The following DNAAF8 variants were observed in gnomAD, a reference collection of about 807,000 sequenced individuals.
The protein encoded by DNAAF8 is dynein axonemal-associated protein 1.
A neutral mutation model predicts 54.6 loss-of-function variants in DNAAF8; 61 were observed. The ratio of observed to expected loss-of-function variants is 1.12; its 90% CI spans 0.91 to 1.38. The LOEUF is 1.38. Among genes scored for constraint, DNAAF8 ranks in the 40% most tolerant of loss-of-function variants. The pLI is 0.00. For synonymous variants in DNAAF8, 320 were observed against 270.1 expected (o/e 1.18, Z -1.81); for missense variants, 837 against 665.0 (o/e 1.26, Z -2.85).
chr16:4,743,118 C>T lies in DNAAF8; in HGVS notation c.859C>T (p.Pro287Ser). The change falls in exon 5 of 10, where the codon CCT becomes TCT. Residue 287 changes from proline (P) to serine (S), a missense_variant. By Grantham distance (74) the Pro-to-Ser change is moderately conservative. Transcript: ENST00000299320. Reference protein sequence around the residue: ...GQEDNQGNRAPGTVWWAADHR... With the variant: ...GQEDNQGNRASGTVWWAADHR... ...AGAAGACAACCAGGGAAATCGTGCA[C>T]CTGGAACTGTGTGGTGGGCAGCTGA... 6.2e-7 allele frequency: 1 copy of T among 1,612,126 alleles called. No individual in the cohort carries two copies. Among genetic ancestry groups the T allele is most frequent in the East Asian group, 2.2e-5 (1 of 44,688 alleles).
chr16:4,743,374 G>A (rs999330932), intron 5 of DNAAF8: 13 of 460,218 alleles, frequency 2.8e-5, no homozygotes, highest in Non-Finnish European at 2.7e-5. Flanking sequence ...CCAGGCGTGG[G>A]CCAGGTCCTA....
chr16:4,737,932 G>C lies in DNAAF8; in HGVS notation c.262G>C (p.Glu88Gln), dbSNP rs766918761. 23 of 1,614,228 alleles carry C rather than the reference G, an allele frequency of 1.4e-5. No individual in the cohort carries two copies. In the South Asian group the frequency reaches 2.2e-4, roughly 15 times the overall value. Residue 88 changes from glutamate (E) to glutamine (Q), a missense_variant, in exon 3 of 10, where the codon GAG (glutamate) becomes CAG (glutamine). Coordinates refer to ENST00000299320, the MANE Select transcript of DNAAF8 (RefSeq NM_139170.3). The part of the protein sequence containing the change: ...KSRAWVAAAE[E>Q]SLPEPVLVPA... The stretch of plus-strand genomic sequence containing the variant: ...CAGGGCCTGGGTCGCTGCAGCTGAA[G>C]AGTCCCTTCCCGAGGTCTGTGGGAC...
In DNAAF8 at chr16:4,736,251, T is replaced by G. The variant is rs2081898322; in HGVS notation, c.-51-213T>G. ...TATATCACTATATACATTATATACC[T>G]GCAGGCTCCACATGTGTGCATGAGT... On this transcript the variant is annotated intron_variant, in intron 1 of 9. Coordinates refer to ENST00000299320, the MANE Select transcript of DNAAF8 (RefSeq NM_139170.3). 3.3e-5 allele frequency among the ~76,000 whole-genome samples: 5 copies of G among 151,108 alleles called. No individual in the cohort carries two copies. The South Asian group carries it at 1.0e-3, about 32-fold the overall frequency.
chr16:4,737,731 G>A (rs963778330), intron 2 of DNAAF8, 69 bp from the exon 3 acceptor site: 35 of 1,553,230 alleles, frequency 2.3e-5, no homozygotes, highest in Middle Eastern at 2.1e-4. Flanking sequence ...AGTGGAGAGC[G>A]GGGGTGGCTA....
In DNAAF8 at chr16:4,734,569, G is replaced by C. The variant is rs1203651703; in HGVS notation, c.-181G>C. ...TAATGTAAAGCTCCGCTGAGAGGGA[G>C]AGTGCTGAAGAAGGGGACAGCCTCT... is the stretch of plus-strand genomic sequence containing the variant. On this transcript the variant is annotated 5_prime_UTR_variant, in exon 1 of 10. Coordinates refer to ENST00000299320, the MANE Select transcript of DNAAF8 (RefSeq NM_139170.3). The C allele has an allele frequency of 6.6e-6, 1 of 152,316 alleles. No homozygotes were observed. Among genetic ancestry groups the C allele is most frequent in the Non-Finnish European group, 1.5e-5 (1 of 68,108 alleles). The allele number at this position is 152,316 out of a possible 1,614,324, so 9.4% of individuals were successfully genotyped here.
rs572049120 is a variant in DNAAF8 at position 4,747,184 on chromosome 16, C to G, written c.1280+159C>G. On this transcript the variant is annotated intron_variant, in intron 8 of 9. Coordinates refer to ENST00000299320, the MANE Select transcript of DNAAF8 (RefSeq NM_139170.3). ...CAGCTTTCATCATCCTGCCCACGTCCACTGGGTCCCAGCAGTGGCAGCAGT... is the reference window on the plus strand; with the variant it reads ...CAGCTTTCATCATCCTGCCCACGTCGACTGGGTCCCAGCAGTGGCAGCAGT... 6.3e-5 allele frequency: 76 copies of G among 1,212,274 alleles called. No individual in the cohort carries two copies. In the African/African-American group the frequency reaches 1.1e-3, roughly 17 times the overall value. The allele number at this position is 1,212,274 out of a possible 1,614,324, so 75.1% of individuals were successfully genotyped here. A position where few individuals can be genotyped will look rare whatever the true frequency, so the allele number is the denominator to read the frequency against.
At chr16:4,745,677 G>A (rs887297503) in intron 6 of DNAAF8, among the ~76,000 whole-genome samples, 9 of 152,196 alleles carry the variant, frequency 5.9e-5, no homozygotes, top group South Asian at 2.1e-4. Context: ...CTGGCTGGGC[G>A]CGGTGGCTCA....
At chr16:4,736,250 C>A (rs1233276517) in intron 1 of DNAAF8, among the ~76,000 whole-genome samples, 1 of 150,816 alleles carries the variant, frequency 6.6e-6, no homozygotes, top group Non-Finnish European at 1.5e-5. Context: ...CATTATATAC[C>A]TGCAGGCTCC....
intron 2 of DNAAF8, 30 bp downstream of exon 2, chr16:4,736,673 T>C: frequency 6.5e-7 from 1 of 1,526,788 alleles, no homozygotes; most frequent in Non-Finnish European, 8.8e-7. Flanking sequence ...CTGGATGCCT[T>C]GTCCTTCCTA....
chr16:4,739,295 G>A (rs1462771514), intron 3 of DNAAF8, among the ~76,000 whole-genome samples: 2 of 30,744 alleles, frequency 6.5e-5, no homozygotes, highest in Admixed American at 6.9e-4. Context: ...TTGTAATGTG[G>A]GATCTCTACT....
intron 8 of DNAAF8, 142 bp from the exon 9 acceptor site, chr16:4,747,201 G>A: frequency 1.1e-5 from 14 of 1,247,814 alleles, no homozygotes; most frequent in Non-Finnish European, 1.5e-5. Flanking sequence ...TCCCAGCAGT[G>A]GCAGCAGTGA....
chr16:4,745,260 C>T (rs1472515351), intron 6 of DNAAF8, among the ~76,000 whole-genome samples: 1 of 152,206 alleles, frequency 6.6e-6, no homozygotes, highest in Non-Finnish European at 1.5e-5. Context: ...CCTGCTCTTT[C>T]CCCAAACCCA....
rs757717935 is a variant in DNAAF8 at position 4,737,859 on chromosome 16, A to G, written c.189A>G (p.Pro63=). Residue 63 remains proline, a synonymous_variant, in exon 3 of 10, where the codon CCA becomes CCG. Transcript: ENST00000299320. The part of the protein sequence containing the change: ...IFQRNQTSLI[P]DLSEELAEDP... ...AGCGAAACCAAACCTCCCTGATTCC[A>G]GACCTGTCGGAGGAGCTGGCTGAAG... is the stretch of plus-strand genomic sequence containing the variant. 6.2e-7 allele frequency: 1 copy of G among 1,614,124 alleles called. No homozygotes were observed.
At chr16:4,742,609 A>G (rs1453915588) in intron 4 of DNAAF8, among the ~76,000 whole-genome samples, 1 of 151,782 alleles carries the variant, frequency 6.6e-6, no homozygotes, top group East Asian at 1.9e-4. Flanking sequence ...AATTCCAGCT[A>G]CTTGGGAGGC....
intron 8 of DNAAF8, 131 bp from the exon 9 acceptor site, chr16:4,747,212 T>C: frequency 1.6e-6 from 2 of 1,282,178 alleles, no homozygotes; most frequent in South Asian, 2.9e-5. Flanking sequence ...GCAGCAGTGA[T>C]GGGCTGCCTG....
chr16:4,745,291 G>A (rs2082000574), intron 6 of DNAAF8, among the ~76,000 whole-genome samples: 1 of 152,186 alleles, frequency 6.6e-6, no homozygotes, highest in African/African-American at 2.4e-5. Flanking sequence ...TCCTTTCAAT[G>A]GGAGGCCATG....
intron 4 of DNAAF8, among the ~76,000 whole-genome samples, chr16:4,741,485 C>G (rs1367984239): frequency 1.3e-5 from 2 of 152,010 alleles, no homozygotes; most frequent in African/African-American, 2.4e-5. Context: ...ATGACAGTGC[C>G]GGTTTAATGA....
At chr16:4,747,147 AG>A (rs1320531540) in intron 8 of DNAAF8, 122 bp downstream of exon 8, 2 of 1,208,506 alleles carry the variant, frequency 1.7e-6, no homozygotes, top group Non-Finnish European at 2.3e-6. Context: ...GCACAGGGTG[AG>A]GGGGACGGCA....
rs1418379018 is a variant in DNAAF8 at position 4,736,653 on chromosome 16, A to G, written c.129+10A>G. On this transcript the variant is annotated intron_variant, in intron 2 of 9. Coordinates refer to ENST00000299320, the MANE Select transcript of DNAAF8 (RefSeq NM_139170.3). ...CTCAGACTCCCCTTTGGTAAGCAAG[A>G]ACTCTCTCCCTGGATGCCTTGTCCT... is the stretch of plus-strand genomic sequence containing the variant. 1.3e-6 allele frequency: 2 copies of G among 1,550,544 alleles called. No individual in the cohort carries two copies. Among genetic ancestry groups the G allele is most frequent in the Non-Finnish European group, 1.7e-6 (2 of 1,145,964 alleles).
Sources: gnomAD v4.1 joint callset for allele counts (sites outside exome capture counted in the v4.1 genomes callset) on GRCh38, gnomAD v4.1.1 for gene constraint, MANE v1.5 for transcripts, NCBI Gene and HGNC (gene_info 2026-07-23, HGNC 2026-07-21) for gene names.